STK39: variants seen among roughly 807,000 people sequenced by gnomAD.
STK39 encodes serine/threonine kinase 39.
STK39 carries 20 observed loss-of-function variants against 77.8 expected under a neutral mutation model. That is an observed-to-expected ratio of 0.26 (90% CI 0.18 to 0.37). STK39 has a LOEUF of 0.37. STK39 is among the 10% of genes least tolerant of loss of function. STK39 has a pLI of 1.00. For missense variants in STK39, 479 were observed against 656.5 expected (o/e 0.73, Z 2.95); for synonymous variants, 246 against 234.1 (o/e 1.05, Z -0.47).
chr2:168,098,392 T>G (rs1488736582), intron 10 of STK39, among the ~76,000 whole-genome samples: 1 of 152,186 alleles, frequency 6.6e-6, no homozygotes, highest in Non-Finnish European at 1.5e-5. Context: ...CACTTTACCA[T>G]ATGCTACCCT....
chr2:168,087,514 C>T (rs561481707), intron 10 of STK39, among the ~76,000 whole-genome samples: 1 of 152,360 alleles, frequency 6.6e-6, no homozygotes, highest in African/African-American at 2.4e-5. Context: ...GCTTTCAGAG[C>T]TGAGCTAAGG....
chr2:168,009,136 A>G (rs1402409903), intron 16 of STK39, among the ~76,000 whole-genome samples: 1 of 152,180 alleles, frequency 6.6e-6, no homozygotes, highest in Admixed American at 6.5e-5. Flanking sequence ...ATTGTCTTTG[A>G]TAAGTTTAGC....
At chr2:168,210,008 A>AAG in intron 1 of STK39, among the ~76,000 whole-genome samples, 1 of 145,088 alleles carries the variant, frequency 6.9e-6, no homozygotes, top group East Asian at 2.0e-4. Flanking sequence ...AAAAAAAAAA[A>AAG]AAAATAGGAA....
intron 10 of STK39, among the ~76,000 whole-genome samples, chr2:168,128,042 T>C (rs1360811780): frequency 6.6e-6 from 1 of 151,878 alleles, no homozygotes; most frequent in Non-Finnish European, 1.5e-5. Context: ...GTCACTGTGA[T>C]AGCGAGGCTG....
intron 1 of STK39, among the ~76,000 whole-genome samples, chr2:168,216,794 G>A (rs966236274): frequency 8.5e-5 from 13 of 152,196 alleles, no homozygotes; most frequent in East Asian, 1.9e-4. Context: ...GAACAGCAGC[G>A]GACTTTCATC....
intron 5 of STK39, among the ~76,000 whole-genome samples, chr2:168,150,773 G>A (rs1688258964): frequency 4.6e-5 from 7 of 151,998 alleles, no homozygotes; most frequent in Admixed American, 4.6e-4. Flanking sequence ...TTTTAAGCAA[G>A]TCAATAAATA....
Position 168,012,701 on chromosome 2 carries a change from A to G in STK39, c.1431T>C (p.Asp477=), listed in dbSNP as rs1684301500. The G allele has an allele frequency of 6.2e-7, 1 of 1,613,316 alleles. No individual in the cohort carries two copies. The highest frequency in any genetic ancestry group is 8.5e-7 in the Non-Finnish European group (1 of 1,179,498). ...GCTCCTGAGATACACCATCTGCTGT[A>G]TCTGTCCAAATGTGAAATGAATATG... ...DIRFEFTPGR[D]TADGVSQELF... is the part of the protein sequence containing the mutation. The change falls in exon 16 of 18, where the codon GAT becomes GAC. Residue 477 remains aspartate (D), a splice_region_variant and synonymous_variant. Coordinates refer to ENST00000355999, the MANE Select transcript of STK39 (RefSeq NM_013233.3).
intron 15 of STK39, among the ~76,000 whole-genome samples, chr2:168,013,570 T>C (rs1224796303): frequency 1.3e-5 from 2 of 152,192 alleles, no homozygotes; most frequent in Non-Finnish European, 2.9e-5. Flanking sequence ...ATATTTAGAA[T>C]TGTAGCTTGA....
chr2:168,086,808 T>C (rs1386530928), intron 10 of STK39, among the ~76,000 whole-genome samples: 1 of 152,198 alleles, frequency 6.6e-6, no homozygotes, highest in Non-Finnish European at 1.5e-5. Context: ...TGAAAGAGAA[T>C]GTTCTGGAAG....
At chr2:168,113,851 A>G (rs934540659) in intron 10 of STK39, among the ~76,000 whole-genome samples, 20 of 152,210 alleles carry the variant, frequency 1.3e-4, no homozygotes, top group Non-Finnish European at 5.9e-5. Context: ...GGACAGGCAA[A>G]TATCTCTTGA....
chr2:168,064,569 T>C (rs1685746379), intron 13 of STK39, among the ~76,000 whole-genome samples: 1 of 152,204 alleles, frequency 6.6e-6, no homozygotes, highest in Non-Finnish European at 1.5e-5. Flanking sequence ...AAAATCACTC[T>C]AATTATCTCT....
intron 10 of STK39, among the ~76,000 whole-genome samples, chr2:168,111,701 CT>C (rs1157412698): frequency 6.6e-6 from 1 of 152,150 alleles, no homozygotes; most frequent in African/African-American, 2.4e-5. Flanking sequence ...CAATTTTCTC[CT>C]TATAAATTCA....
At chr2:168,027,542 A>G (rs1238367318) in intron 14 of STK39, among the ~76,000 whole-genome samples, 1 of 152,218 alleles carries the variant, frequency 6.6e-6, no homozygotes, top group Non-Finnish European at 1.5e-5. Context: ...TTTAACAACA[A>G]CAAAAGCAGA....
intron 16 of STK39, among the ~76,000 whole-genome samples, chr2:167,970,555 G>A (rs1692305688): frequency 6.6e-6 from 1 of 152,178 alleles, no homozygotes; most frequent in Non-Finnish European, 1.5e-5. Context: ...AACTATTCCT[G>A]TTTTGGAAAG....
At chr2:167,960,655 GTGTGGCCTGCACCCCA>G (rs933168633) in intron 17 of STK39, among the ~76,000 whole-genome samples, 5 of 152,102 alleles carry the variant, frequency 3.3e-5, no homozygotes, top group Non-Finnish European at 7.3e-5. Context: ...ATGACAGCAG[GTGTGGCCTGCACCCCA>G]TGGAGGAGCT....
chr2:168,075,210 T>C lies in STK39; in HGVS notation c.1111A>G (p.Ser371Gly). 1 of 1,614,090 alleles carries C rather than the reference T, an allele frequency of 6.2e-7. No individual in the cohort carries two copies. The highest frequency in any genetic ancestry group is 8.5e-7 in the Non-Finnish European group (1 of 1,180,024). Residue 371 changes from serine (S) to glycine (G), a missense_variant, in exon 11 of 18, where the codon AGT becomes GGT. Ser to Gly is a moderately conservative substitution (Grantham distance 56, BLOSUM62 0). Around this residue, in one of 3 missense-constraint regions of STK39, gnomAD observed 244 missense variants for 296.8 expected, o/e 0.82. Transcript: ENST00000355999. ...TCTTCGGTTTTATGAAGGTGACCAC[T>C]TGACCCAGGAACTCTTCTTACCTGA... ...AKKVRRVPGS[S>G]GHLHKTEDGD...
In STK39 at chr2:168,187,839, C is replaced by T. The variant is rs1236069178; in HGVS notation, c.209-5749G>A. Among the ~76,000 whole-genome samples, 8 of 152,038 alleles carry T rather than the reference C, an allele frequency of 5.3e-5. No homozygotes were observed. The East Asian group carries it at 5.8e-4, about 11-fold the overall frequency. On this transcript the variant is annotated intron_variant, in intron 1 of 17. Transcript: ENST00000355999. The stretch of plus-strand genomic sequence containing the variant: ...TAAGAACTTTACGTTAAAGTTAAGA[C>T]GTCAATTGTCCAGTAACCCCTTCCC...
intron 16 of STK39, among the ~76,000 whole-genome samples, chr2:168,004,195 A>T (rs1293616966): frequency 1.3e-5 from 2 of 152,246 alleles, no homozygotes; most frequent in African/African-American, 4.8e-5. Context: ...GTTAGTTTTA[A>T]TCAAAACTGT....
intron 2 of STK39, among the ~76,000 whole-genome samples, chr2:168,179,798 C>T (rs1322395769): frequency 3.3e-5 from 5 of 152,090 alleles, no homozygotes; most frequent in African/African-American, 1.2e-4. Context: ...AATGACCAGC[C>T]TCCCTGCTGA....
Sources: allele counts gnomAD v4.1 joint callset (sites outside exome capture counted in the v4.1 genomes callset), GRCh38; gene constraint gnomAD v4.1.1; regional missense constraint gnomAD v4.1.1; transcripts MANE v1.5; gene names NCBI Gene and HGNC (gene_info 2026-07-23, HGNC 2026-07-21).